HOMER1: variants seen among roughly 807,000 people sequenced by gnomAD.
The protein encoded by HOMER1 is homer protein homolog 1.
HOMER1 carries 3 observed loss-of-function variants against 48.9 expected under a neutral mutation model. That is an observed-to-expected ratio of 0.06 (90% confidence interval 0.03 to 0.16). The LOEUF is 0.16. Among genes scored for constraint, HOMER1 ranks in the 10% least tolerant of loss-of-function variants. The pLI, the probability that HOMER1 is intolerant of heterozygous loss-of-function variation, is 1.00. For synonymous variants in HOMER1, 134 were observed against 146.4 expected (o/e 0.92, Z 0.61); for missense variants, 247 against 411.4 (o/e 0.60, Z 3.46).
chr5:79,494,414 C>G (rs1160156427), intron 1 of HOMER1, among the ~76,000 whole-genome samples: 1 of 152,168 alleles, frequency 6.6e-6, no homozygotes, highest in African/African-American at 2.4e-5. Flanking sequence ...AATGGCTGAC[C>G]AAGGCAATCT....
chr5:79,416,201 T>G (rs1051473314), intron 5 of HOMER1, among the ~76,000 whole-genome samples: 2 of 152,232 alleles, frequency 1.3e-5, no homozygotes, highest in Non-Finnish European at 2.9e-5. Context: ...TGATTTATAT[T>G]GTATGCACTC....
chr5:79,496,248 A>G (rs1407877742), intron 1 of HOMER1, among the ~76,000 whole-genome samples: 1 of 152,166 alleles, frequency 6.6e-6, no homozygotes, highest in African/African-American at 2.4e-5. Flanking sequence ...TAACAGAGCA[A>G]TGAAATTCCC....
At chr5:79,468,470 T>C (rs1419617357) in intron 1 of HOMER1, among the ~76,000 whole-genome samples, 2 of 152,220 alleles carry the variant, frequency 1.3e-5, no homozygotes, top group Non-Finnish European at 2.9e-5. Flanking sequence ...AGATAGCATT[T>C]TGGATAAACT....
intron 5 of HOMER1, among the ~76,000 whole-genome samples, chr5:79,411,122 T>G (rs934126639): frequency 2.6e-5 from 4 of 152,194 alleles, no homozygotes; most frequent in African/African-American, 9.7e-5. Context: ...TAGAGGGAGT[T>G]CAAAACACTT....
intron 1 of HOMER1, among the ~76,000 whole-genome samples, chr5:79,470,209 C>T (rs1427144865): frequency 1.3e-5 from 2 of 152,118 alleles, no homozygotes; most frequent in African/African-American, 2.4e-5. Context: ...GTTTTTCAAA[C>T]CCTAGGTCAC....
At chr5:79,510,904 C>A in intron 1 of HOMER1, 1 of 647,722 alleles carries the variant, frequency 1.5e-6, no homozygotes, top group South Asian at 1.9e-5. Context: ...GTAGATATCT[C>A]TATCTGCCAA....
intron 6 of HOMER1, among the ~76,000 whole-genome samples, chr5:79,400,934 ATT>A (rs746813087): frequency 0.011 from 1,303 of 115,082 alleles, 21 homozygotes; most frequent in African/African-American, 0.039. Context: ...AAGAAAAAAG[ATT>A]TTTTTTTTTT....
chr5:79,474,458 A>G (rs1751706089), intron 1 of HOMER1, among the ~76,000 whole-genome samples: 1 of 152,116 alleles, frequency 6.6e-6, no homozygotes, highest in African/African-American at 2.4e-5. Context: ...TCACTGAATT[A>G]AGATTTAAAG....
intron 5 of HOMER1, among the ~76,000 whole-genome samples, chr5:79,407,422 G>A (rs1305654805): frequency 6.6e-6 from 1 of 152,200 alleles, no homozygotes; most frequent in African/African-American, 2.4e-5. Flanking sequence ...AAGTAAGATA[G>A]CAATGTTAAA....
intron 1 of HOMER1, among the ~76,000 whole-genome samples, chr5:79,496,302 G>C (rs1163120050): frequency 6.6e-6 from 1 of 152,188 alleles, no homozygotes; most frequent in Non-Finnish European, 1.5e-5. Flanking sequence ...AATAGCAGAA[G>C]ACAGGAGTGG....
intron 1 of HOMER1, among the ~76,000 whole-genome samples, chr5:79,479,153 C>T (rs1306453135): frequency 6.6e-6 from 1 of 152,090 alleles, no homozygotes; most frequent in Non-Finnish European, 1.5e-5. Context: ...GGAAAATCAA[C>T]AGAAGACTTC....
intron 8 of HOMER1, among the ~76,000 whole-genome samples, chr5:79,392,979 G>GAGAGAGAC (rs1227818927): frequency 1.3e-5 from 2 of 151,882 alleles, no homozygotes; most frequent in African/African-American, 4.8e-5. Context: ...GAGAGAGAGA[G>GAGAGAGAC]AGAGAGAGAA....
At chr5:79,504,901 G>T (rs1020046454) in intron 1 of HOMER1, among the ~76,000 whole-genome samples, 1 of 152,148 alleles carries the variant, frequency 6.6e-6, no homozygotes, top group Admixed American at 6.5e-5. Flanking sequence ...ACTGCACTAT[G>T]AACTTGTGGG....
chr5:79,494,247 T>TC (rs1245588436), intron 1 of HOMER1, among the ~76,000 whole-genome samples: 1 of 152,184 alleles, frequency 6.6e-6, no homozygotes, highest in Non-Finnish European at 1.5e-5. Context: ...CAAAACTCTA[T>TC]CCTCAGCCCA....
intron 8 of HOMER1, among the ~76,000 whole-genome samples, chr5:79,391,865 T>C (rs567662652): frequency 1.3e-5 from 2 of 152,106 alleles, no homozygotes; most frequent in Non-Finnish European, 2.9e-5. Flanking sequence ...AGACTTCCCA[T>C]TGAATACAGT....
chr5:79,452,718 T>C (rs1391468252), intron 2 of HOMER1, among the ~76,000 whole-genome samples: 7 of 152,174 alleles, frequency 4.6e-5, no homozygotes, highest in African/African-American at 1.7e-4. Flanking sequence ...GAGTGGTCCC[T>C]TCCTTTCTCT....
chr5:79,453,459 G>GTC (rs1262992547), intron 2 of HOMER1, among the ~76,000 whole-genome samples: 1 of 151,962 alleles, frequency 6.6e-6, no homozygotes, highest in East Asian at 1.9e-4. Flanking sequence ...CCTTTCCCTT[G>GTC]TCTCTGTATT....
intron 5 of HOMER1, among the ~76,000 whole-genome samples, chr5:79,428,623 A>G (rs1222503557): frequency 6.6e-6 from 1 of 152,200 alleles, no homozygotes; most frequent in Non-Finnish European, 1.5e-5. Context: ...CACAACAATC[A>G]TCCTTCCATA....
At chr5:79,387,554 T>A (rs1191274975) in intron 8 of HOMER1, among the ~76,000 whole-genome samples, 1 of 152,232 alleles carries the variant, frequency 6.6e-6, no homozygotes, top group Non-Finnish European at 1.5e-5. Context: ...ACCTTCTATA[T>A]AATAGGAACT....
Sources: allele counts gnomAD v4.1 joint callset (sites outside exome capture counted in the v4.1 genomes callset), GRCh38; gene constraint gnomAD v4.1.1; transcripts MANE v1.5; gene names NCBI Gene and HGNC (gene_info 2026-07-23, HGNC 2026-07-21).